AGBL4: variants seen among roughly 807,000 people sequenced by gnomAD.
AGBL4 encodes cytosolic carboxypeptidase 6.
In AGBL4, 58 loss-of-function variants were observed where a neutral mutation model predicts 66.4. The ratio of observed to expected loss-of-function variants is 0.87; its 90% CI spans 0.71 to 1.09. The LOEUF (loss-of-function observed/expected upper bound fraction) is 1.09. AGBL4 is among the 50% of genes least tolerant of loss of function. The probability of loss-of-function intolerance (pLI) is 0.00; values close to 1 mark genes in which losing one functional copy is unlikely to be tolerated. For missense variants in AGBL4, 579 were observed against 631.0 expected (o/e 0.92, Z 0.88); for synonymous variants, 234 against 222.9 (o/e 1.05, Z -0.44).
chr1:48,968,047 T>C (rs1658589773), intron 5 of AGBL4, among the ~76,000 whole-genome samples: 1 of 152,066 alleles, frequency 6.6e-6, no homozygotes. Flanking sequence ...TTGAGGGACC[T>C]AAATGAAGAG....
At chr1:49,194,993 T>C (rs1481450830) in intron 4 of AGBL4, among the ~76,000 whole-genome samples, 1 of 152,048 alleles carries the variant, frequency 6.6e-6, no homozygotes, top group Non-Finnish European at 1.5e-5. Context: ...TATACCACCA[T>C]AACTGGCTAA....
intron 9 of AGBL4, among the ~76,000 whole-genome samples, chr1:48,596,175 G>A (rs72679389): frequency 0.045 from 6,783 of 152,222 alleles, 256 homozygotes; most frequent in Admixed American, 0.12. Flanking sequence ...GTCCTCACAG[G>A]AGCTTGCAGC....
intron 3 of AGBL4, among the ~76,000 whole-genome samples, chr1:49,602,485 A>G (rs1435488971): frequency 1.3e-5 from 2 of 152,196 alleles, no homozygotes; most frequent in Non-Finnish European, 2.9e-5. Flanking sequence ...AATGTGGCAC[A>G]TATATACCAT....
At chr1:49,989,165 T>A (rs1659733581) in intron 1 of AGBL4, among the ~76,000 whole-genome samples, 1 of 152,132 alleles carries the variant, frequency 6.6e-6, no homozygotes, top group Admixed American at 6.5e-5. Flanking sequence ...AGTTCCCAAG[T>A]GGGTTGAAAG....
chr1:48,818,047 T>C lies in AGBL4; in HGVS notation c.634+49144A>G, dbSNP rs969155709. On this transcript the variant is annotated intron_variant, in intron 6 of 13. Coordinates refer to ENST00000371839, the MANE Select transcript of AGBL4 (RefSeq NM_032785.4). ...CCCGAGATTAGGTCAAATTCATATCTGATAGTCAAATTTGGAAAGGCCACC... is the reference window on the plus strand; with the variant it reads ...CCCGAGATTAGGTCAAATTCATATCCGATAGTCAAATTTGGAAAGGCCACC... 9.9e-6 allele frequency: 7 copies of C among 707,230 alleles called. No individual in the cohort carries two copies. The South Asian group carries it at 1.1e-4, about 11-fold the overall frequency. 43.8% of individuals were successfully genotyped at this position (707,230 alleles called of 1,614,324 possible).
At chr1:49,615,867 C>A (rs750979094) in intron 3 of AGBL4, among the ~76,000 whole-genome samples, 18 of 152,060 alleles carry the variant, frequency 1.2e-4, no homozygotes, top group Non-Finnish European at 2.6e-4. Flanking sequence ...GACACTTTTC[C>A]TGATCTCAAA....
intron 2 of AGBL4, among the ~76,000 whole-genome samples, chr1:49,813,533 C>G (rs2147975582): frequency 6.6e-6 from 1 of 152,140 alleles, no homozygotes; most frequent in South Asian, 2.1e-4. Context: ...TCTATAATAC[C>G]CTATACAGAC....
intron 3 of AGBL4, among the ~76,000 whole-genome samples, chr1:49,471,465 C>T (rs924559152): frequency 1.3e-5 from 2 of 151,850 alleles, no homozygotes; most frequent in East Asian, 1.9e-4. Flanking sequence ...AAAACTAAAA[C>T]TCTTGGACTT....
At chr1:48,691,522 G>A (rs530826787) in intron 6 of AGBL4, among the ~76,000 whole-genome samples, 1 of 152,298 alleles carries the variant, frequency 6.6e-6, no homozygotes, top group Admixed American at 6.5e-5. Context: ...TGAGCGTTAA[G>A]AATGAGAATG....
intron 1 of AGBL4, among the ~76,000 whole-genome samples, chr1:49,970,756 C>CA (rs11308932): frequency 3.0e-4 from 41 of 135,596 alleles, no homozygotes; most frequent in East Asian, 1.3e-3. Flanking sequence ...CATACACAAA[C>CA]AAAAAAAAAA....
chr1:49,233,824 A>G (rs914465992), intron 4 of AGBL4, among the ~76,000 whole-genome samples: 1 of 152,192 alleles, frequency 6.6e-6, no homozygotes, highest in Non-Finnish European at 1.5e-5. Flanking sequence ...ACCAAAATCC[A>G]TGTTCTCCAC....
At chr1:48,826,212 C>T (rs2148776723) in intron 6 of AGBL4, among the ~76,000 whole-genome samples, 1 of 152,256 alleles carries the variant, frequency 6.6e-6, no homozygotes, top group South Asian at 2.1e-4. Context: ...CCCAAGCCAG[C>T]CTCAGCTACT....
intron 4 of AGBL4, among the ~76,000 whole-genome samples, chr1:49,106,731 C>T (rs1474563409): frequency 1.3e-5 from 2 of 152,100 alleles, no homozygotes; most frequent in Non-Finnish European, 2.9e-5. Context: ...TAAGGTTCCC[C>T]AAGGAGTGCC....
chr1:49,143,145 T>C (rs1457418238), intron 4 of AGBL4, among the ~76,000 whole-genome samples: 1 of 152,142 alleles, frequency 6.6e-6, no homozygotes, highest in African/African-American at 2.4e-5. Flanking sequence ...CCCAATACTT[T>C]ATCTATAGCC....
At chr1:49,882,825 G>C (rs1159491803) in intron 1 of AGBL4, among the ~76,000 whole-genome samples, 2 of 152,098 alleles carry the variant, frequency 1.3e-5, no homozygotes. Flanking sequence ...TTAGAAATTT[G>C]TTGAGGCATT....
At chr1:49,565,871 T>C (rs1644186637) in intron 3 of AGBL4, among the ~76,000 whole-genome samples, 1 of 152,234 alleles carries the variant, frequency 6.6e-6, no homozygotes, top group African/African-American at 2.4e-5. Context: ...GGGGAAGTTC[T>C]CCTGGATAAT....
At chr1:48,797,517 C>A (rs1001577483) in intron 6 of AGBL4, among the ~76,000 whole-genome samples, 1 of 152,182 alleles carries the variant, frequency 6.6e-6, no homozygotes, top group Admixed American at 6.5e-5. Context: ...TAATGGTCTC[C>A]AGCTCCATCC....
chr1:48,689,195 C>A (rs1437617351), intron 6 of AGBL4, among the ~76,000 whole-genome samples: 2 of 124,738 alleles, frequency 1.6e-5, no homozygotes, highest in African/African-American at 9.4e-5. Flanking sequence ...CAGAGCGAGA[C>A]CCGGTCTCAA....
chr1:48,988,089 C>CA (rs1660314675), intron 5 of AGBL4, among the ~76,000 whole-genome samples: 1 of 152,140 alleles, frequency 6.6e-6, no homozygotes, highest in Non-Finnish European at 1.5e-5. Context: ...CCCACCCCCT[C>CA]ATTCCCCATC....
Sources: gnomAD v4.1 joint callset for allele counts (sites outside exome capture counted in the v4.1 genomes callset) on GRCh38, gnomAD v4.1.1 for gene constraint, MANE v1.5 for transcripts, NCBI Gene and HGNC (gene_info 2026-07-23, HGNC 2026-07-21) for gene names.